The following SLC7A6 variants were observed in gnomAD, a reference collection of about 807,000 sequenced individuals.
SLC7A6 encodes Y+L amino acid transporter 2.
SLC7A6 carries 29 observed loss-of-function variants against 46.6 expected under a neutral mutation model. The observed-to-expected ratio is 0.62, with a 90% CI of 0.46 to 0.85. The LOEUF (loss-of-function observed/expected upper bound fraction) is 0.85. SLC7A6 is among the 40% of genes least tolerant of loss of function. The pLI is 0.00. For missense variants in SLC7A6, 527 were observed against 647.6 expected (o/e 0.81, Z 2.02); for synonymous variants, 276 against 257.3 (o/e 1.07, Z -0.70).
rs979267856 is a variant in SLC7A6, at chr16:68,301,341, G to C, written c.*4013G>C. On this transcript the variant is annotated 3_prime_UTR_variant, in exon 11 of 11. Coordinates refer to ENST00000219343, the MANE Select transcript of SLC7A6 (RefSeq NM_003983.6). ...CCTTCTGCACATCCAGAGGGTACTT[G>C]CTCCACATCCGCTGTCTGCTGCTGC... 6.2e-7 allele frequency: 1 copy of C among 1,614,004 alleles called. No individual in the cohort carries two copies. The highest frequency in any genetic ancestry group is 1.3e-5 in the African/African-American group (1 of 74,900).
At chr16:68,287,623 G>A in intron 3 of SLC7A6, 123 bp from the exon 4 acceptor site, 1 of 1,534,924 alleles carries the variant, frequency 6.5e-7, no homozygotes, top group Non-Finnish European at 8.8e-7. Flanking sequence ...GCCTTGTTCT[G>A]ACTGGTCCAT....
At chr16:68,280,349 G>A (rs1454069512) in intron 3 of SLC7A6, among the ~76,000 whole-genome samples, 1 of 152,210 alleles carries the variant, frequency 6.6e-6, no homozygotes, top group Non-Finnish European at 1.5e-5. Flanking sequence ...GAGGGCCCAG[G>A]AAGTCTGTAT....
intron 3 of SLC7A6, among the ~76,000 whole-genome samples, chr16:68,283,397 G>GA (rs1170233814): frequency 6.6e-6 from 1 of 152,116 alleles, no homozygotes; most frequent in Non-Finnish European, 1.5e-5. Context: ...CACTGTAACT[G>GA]ACAAGAAGGA....
At chr16:68,290,806 G>C in intron 5 of SLC7A6, 1 of 515,356 alleles carries the variant, frequency 1.9e-6, no homozygotes, top group Non-Finnish European at 3.5e-6. Flanking sequence ...AGGCCCAGCT[G>C]GGGCAAAGGA....
intron 4 of SLC7A6, among the ~76,000 whole-genome samples, chr16:68,289,458 G>A (rs373786724): frequency 4.7e-4 from 71 of 152,282 alleles, no homozygotes; most frequent in African/African-American, 1.5e-3. Flanking sequence ...ATCCTCCCCT[G>A]AAGATCTGTT....
In SLC7A6 at chr16:68,299,054, G is replaced by A. The variant is rs1466323996; in HGVS notation, c.*1726G>A. On this transcript the variant is annotated 3_prime_UTR_variant, in exon 11 of 11. Transcript: ENST00000219343. ...GTTCAGAGCATAATGCATATGTGAAGCATGGGGTGACATTCCTACTGTCAT... is the reference window on the plus strand; with the variant it reads ...GTTCAGAGCATAATGCATATGTGAAACATGGGGTGACATTCCTACTGTCAT... The A allele has an allele frequency of 6.6e-6, 1 of 152,636 alleles. No individual in the cohort carries two copies. Among genetic ancestry groups the A allele is most frequent in the Non-Finnish European group, 1.5e-5 (1 of 68,040 alleles). The allele number at this position is 152,636 out of a possible 1,614,324, so 9.5% of individuals were successfully genotyped here.
chr16:68,278,959 A>G (rs1268745392), intron 3 of SLC7A6, among the ~76,000 whole-genome samples: 1 of 151,802 alleles, frequency 6.6e-6, no homozygotes, highest in African/African-American at 2.4e-5. Context: ...TCCCTCCCGG[A>G]CAGGGCGGCT....
At position 68,274,873 on chromosome 16, in the gene SLC7A6, T is replaced by C. The variant is rs1372398232; in HGVS notation, c.147T>C (p.Asn49=). 6 of 1,614,064 alleles carry C rather than the reference T, an allele frequency of 3.7e-6. No individual in the cohort carries two copies. The African/African-American group carries it at 4.0e-5, about 11-fold the overall frequency. ...TGAAGAAGGAGATCTCCCTGCTGAA[T>C]GGGGTCAGCCTGGTGGTGGGCAACA... ...MQLKKEISLL[N]GVSLVVGNMI... The change falls in exon 3 of 11, where the codon AAT becomes AAC. Residue 49 remains asparagine (N), a synonymous_variant. Transcript: ENST00000219343.
At chr16:68,279,696 G>A (rs1439052503) in intron 3 of SLC7A6, among the ~76,000 whole-genome samples, 1 of 152,130 alleles carries the variant, frequency 6.6e-6, no homozygotes, top group East Asian at 1.9e-4. Flanking sequence ...AAGCTACCAT[G>A]CCTGGCTAAT....
Position 68,300,885 on chromosome 16 carries a change from C to T in SLC7A6, c.*3557C>T, listed in dbSNP as rs756292838. 1 of 990,794 alleles carries T rather than the reference C, an allele frequency of 1.0e-6. No homozygotes were observed. Among genetic ancestry groups the T allele is most frequent in the Non-Finnish European group, 1.2e-6 (1 of 833,624 alleles). 61.4% of individuals were successfully genotyped at this position (990,794 alleles called of 1,614,324 possible). A position where few individuals can be genotyped will look rare whatever the true frequency, so the allele number is the denominator to read the frequency against. ...ACAGGGTTTTCCTAGAGGCAGGCAG[C>T]CTGGTGGTATGGCACAGCAGAAGCT... is the stretch of plus-strand genomic sequence containing the variant. On this transcript the variant is annotated 3_prime_UTR_variant, in exon 11 of 11. Coordinates refer to ENST00000219343, the MANE Select transcript of SLC7A6 (RefSeq NM_003983.6).
At chr16:68,296,857 G>T (rs1178847155) in intron 10 of SLC7A6, 47 bp downstream of exon 10, 1 of 1,597,652 alleles carries the variant, frequency 6.3e-7, no homozygotes, top group African/African-American at 1.3e-5. Flanking sequence ...ATGTGTGCAT[G>T]CGCATGCAGA....
intron 3 of SLC7A6, among the ~76,000 whole-genome samples, chr16:68,282,623 A>ATTT (rs111778880): frequency 7.3e-6 from 1 of 137,262 alleles, no homozygotes; most frequent in African/African-American, 2.7e-5. Context: ...TTCCTTCCAC[A>ATTT]TTTTTTTTTT....
rs1473738121 is a variant in SLC7A6 at position 68,268,795 on chromosome 16, C to T, written c.-37+2074C>T. Reference sequence around the variant, plus strand: ...CCGAGGCAGGCGGATCACCTGAGGTCCCAGGAGTCCGAGACCAGCCTGACC... The same window carrying T: ...CCGAGGCAGGCGGATCACCTGAGGTTCCAGGAGTCCGAGACCAGCCTGACC... On this transcript the variant is annotated intron_variant, in intron 2 of 10. Coordinates refer to ENST00000219343, the MANE Select transcript of SLC7A6 (RefSeq NM_003983.6). Among the ~76,000 whole-genome samples, 4 of 152,070 alleles carry T rather than the reference C, an allele frequency of 2.6e-5. No homozygotes were observed. The East Asian group carries it at 7.7e-4, about 29-fold the overall frequency.
chr16:68,288,734 G>A (rs1013972662), intron 4 of SLC7A6, among the ~76,000 whole-genome samples: 2 of 152,068 alleles, frequency 1.3e-5, no homozygotes, highest in Non-Finnish European at 2.9e-5. Flanking sequence ...GGGAGGCTGA[G>A]GTGGGCGAAT....
At position 68,275,267 on chromosome 16, in the gene SLC7A6, T is replaced by C. The variant is rs1456578330; in HGVS notation, c.523+18T>C. On this transcript the variant is annotated intron_variant, in intron 3 of 10. Transcript: ENST00000219343. The stretch of plus-strand genomic sequence containing the variant: ...TTGCATATGTAAGTGGGGGCTGAGA[T>C]TGGGAGGATGTTGGGGGGTGGGGGG... 1 of 1,530,870 alleles carries C rather than the reference T, an allele frequency of 6.5e-7. No individual in the cohort carries two copies. The highest frequency in any genetic ancestry group is 2.5e-5 in the East Asian group (1 of 39,238). The allele number at this position is 1,530,870 out of a possible 1,614,324, so 94.8% of individuals were successfully genotyped here. A position where few individuals can be genotyped will look rare whatever the true frequency, so the allele number is the denominator to read the frequency against.
At chr16:68,267,180 C>T (rs2042547718) in intron 2 of SLC7A6, among the ~76,000 whole-genome samples, 1 of 149,984 alleles carries the variant, frequency 6.7e-6, no homozygotes, top group Non-Finnish European at 1.5e-5. Flanking sequence ...GGCAATCTGC[C>T]CGTCTCAGCC....
At chr16:68,266,865 G>T (rs1258754143) in intron 2 of SLC7A6, 144 bp downstream of exon 2, 1 of 151,938 alleles carries the variant, frequency 6.6e-6, no homozygotes, top group African/African-American at 2.4e-5. Flanking sequence ...AAATAACACT[G>T]TAATTTATTA....
At position 68,298,612 on chromosome 16, in the gene SLC7A6, G is replaced by A. The variant is rs2043215537; in HGVS notation, c.*1284G>A. On this transcript the variant is annotated 3_prime_UTR_variant, in exon 11 of 11. Transcript: ENST00000219343. Reference sequence around the variant, plus strand: ...TCTCAGGAAGAGCTTGGTACTTGTGGGGACTTCTGTTTTCTCCCTGTGGAG... The same window carrying A: ...TCTCAGGAAGAGCTTGGTACTTGTGAGGACTTCTGTTTTCTCCCTGTGGAG... 6.6e-6 allele frequency: 1 copy of A among 152,262 alleles called. No homozygotes were observed. The highest frequency in any genetic ancestry group is 2.4e-5 in the African/African-American group (1 of 41,448). 9.4% of individuals were successfully genotyped at this position (152,262 alleles called of 1,614,324 possible).
Position 68,287,823 on chromosome 16 carries a change from G to T in SLC7A6, c.601G>T (p.Val201Leu). Residue 201 changes from valine to leucine, a missense_variant, in exon 4 of 11, where the codon GTA becomes TTA. By Grantham distance (32) the Val-to-Leu change is conservative. Transcript: ENST00000219343. ...GGACACGTTCACTTACGCCAAGGTC[G>T]TAGCGCTCATTGCCATCATTGTCAT... is the stretch of plus-strand genomic sequence containing the variant. The part of the protein sequence containing the change: ...VQDTFTYAKV[V>L]ALIAIIVMGL... 2 of 1,614,220 alleles carry T rather than the reference G, an allele frequency of 1.2e-6. No individual in the cohort carries two copies. Among genetic ancestry groups the T allele is most frequent in the South Asian group, 2.2e-5 (2 of 91,090 alleles).
Sources: gnomAD v4.1 joint callset for allele counts (sites outside exome capture counted in the v4.1 genomes callset) on GRCh38, gnomAD v4.1.1 for gene constraint, MANE v1.5 for transcripts, NCBI Gene and HGNC (gene_info 2026-07-23, HGNC 2026-07-21) for gene names.